Variants in STOX2 observed in about 807,000 individuals in gnomAD.
STOX2 encodes the protein storkhead box 2, also known as storkhead-box protein 2.
A neutral mutation model predicts 60.9 loss-of-function variants in STOX2; 28 were observed. The ratio of observed to expected loss-of-function variants is 0.46; its 90% CI spans 0.34 to 0.63. The LOEUF is 0.63. STOX2 is among the 30% of genes least tolerant of loss of function. The pLI, the probability that STOX2 is intolerant of heterozygous loss-of-function variation, is 0.01. For missense variants in STOX2, 1,024 were observed against 1,187.7 expected (o/e 0.86, Z 2.03); for synonymous variants, 472 against 463.9 (o/e 1.02, Z -0.22).
In STOX2 at chr4:183,823,646, A is replaced by G. The variant is rs1028034568; in HGVS notation, c.364+25591A>G. On this transcript the variant is annotated intron_variant, in intron 1 of 2. Transcript: ENST00000513034. ...TCTGGCCCACAAGAAGTTCCAGCAA[A>G]GCACGTCCTCATAGCTCTGGGCCCG... Among the ~76,000 whole-genome samples, 6 of 152,202 alleles carry G rather than the reference A, an allele frequency of 3.9e-5. 1 individual carries two copies. Among genetic ancestry groups the G allele is most frequent in the Non-Finnish European group, 8.8e-5 (6 of 68,034 alleles).
intron 1 of STOX2, chr4:183,798,183 G>C: frequency 1.1e-6 from 1 of 942,186 alleles, no homozygotes; most frequent in Non-Finnish European, 1.4e-6. Flanking sequence ...GGGTGCCCGC[G>C]TCCCTGCCGG....
intron 1 of STOX2, among the ~76,000 whole-genome samples, chr4:183,935,767 A>T (rs1049197648): frequency 6.6e-6 from 1 of 152,216 alleles, no homozygotes; most frequent in Non-Finnish European, 1.5e-5. Context: ...TGTGCCTGGG[A>T]CTAAGGAGTA....
intron 1 of STOX2, among the ~76,000 whole-genome samples, chr4:183,826,057 G>C (rs112097745): frequency 6.6e-6 from 1 of 152,214 alleles, no homozygotes; most frequent in East Asian, 1.9e-4. Flanking sequence ...TCGGGAAACA[G>C]GTTAAAACAC....
At chr4:183,949,382 G>A (rs947536263) in intron 1 of STOX2, among the ~76,000 whole-genome samples, 2 of 152,134 alleles carry the variant, frequency 1.3e-5, no homozygotes, top group African/African-American at 4.8e-5. Flanking sequence ...AATAGTAATA[G>A]TTTGGATGTG....
At chr4:183,835,617 T>G (rs182546789) in intron 1 of STOX2, among the ~76,000 whole-genome samples, 116 of 152,284 alleles carry the variant, frequency 7.6e-4, no homozygotes, top group Middle Eastern at 6.8e-3. Context: ...TTCAATCTCT[T>G]CCTCTTATTG....
At chr4:183,863,149 G>C (rs17075101) in intron 1 of STOX2, among the ~76,000 whole-genome samples, 1,545 of 152,252 alleles carry the variant, frequency 0.01, 29 homozygotes, top group African/African-American at 0.036. Context: ...TGAAAGAAGC[G>C]GTCCTGGGTG....
At position 183,892,576 on chromosome 4, in the gene STOX2, G is replaced by A. The variant is rs562529593; in HGVS notation, c.364+94521G>A. ...ATTACAGGCGTGAGCCACCGCGCCCGGCCCATTCACACTCTTCTTGCATGC... is the reference window on the plus strand; with the variant it reads ...ATTACAGGCGTGAGCCACCGCGCCCAGCCCATTCACACTCTTCTTGCATGC... On this transcript the variant is annotated intron_variant, in intron 1 of 2. Coordinates refer to the STOX2 transcript ENST00000513034. Among the ~76,000 whole-genome samples the A allele has an allele frequency of 2.6e-5, 4 of 152,336 alleles. No homozygotes were observed. The East Asian group carries it at 5.8e-4, about 22-fold the overall frequency.
chr4:184,016,905 T>C (rs577023630), intron 3 of STOX2, among the ~76,000 whole-genome samples, 184 bp from the exon 4 acceptor site: 2 of 152,196 alleles, frequency 1.3e-5, no homozygotes, highest in Non-Finnish European at 2.9e-5. Flanking sequence ...TACATGTCTG[T>C]GGAAGCTTCT....
At chr4:183,861,926 A>C (rs1740457228) in intron 1 of STOX2, among the ~76,000 whole-genome samples, 1 of 152,150 alleles carries the variant, frequency 6.6e-6, no homozygotes, top group South Asian at 2.1e-4. Context: ...TAACTAGAAC[A>C]TTACAGGATC....
chr4:183,939,937 T>C (rs1560894080), intron 1 of STOX2, among the ~76,000 whole-genome samples: 1 of 152,232 alleles, frequency 6.6e-6, no homozygotes, highest in African/African-American at 2.4e-5. Context: ...GGAATCTCGC[T>C]CTGTCGCTCA....
intron 2 of STOX2, among the ~76,000 whole-genome samples, chr4:184,002,728 A>G (rs1423952419): frequency 1.3e-5 from 2 of 152,344 alleles, no homozygotes; most frequent in African/African-American, 2.4e-5. Context: ...CTCAAAGTCA[A>G]GGTGTGGGGA....
At chr4:183,879,818 T>G (rs1740914192) in intron 1 of STOX2, among the ~76,000 whole-genome samples, 1 of 145,812 alleles carries the variant, frequency 6.9e-6, no homozygotes. Context: ...GGAAGAGGGG[T>G]GGGGTGTACT....
At chr4:183,998,136 A>G (rs1733424278) in intron 1 of STOX2, among the ~76,000 whole-genome samples, 1 of 152,152 alleles carries the variant, frequency 6.6e-6, no homozygotes, top group South Asian at 2.1e-4. Flanking sequence ...GTATTTTTGT[A>G]TCTTTCATCT....
chr4:183,863,616 C>T (rs1740500572), intron 1 of STOX2, among the ~76,000 whole-genome samples: 1 of 152,140 alleles, frequency 6.6e-6, no homozygotes, highest in South Asian at 2.1e-4. Context: ...TGACGATTGG[C>T]TTGTTCTTCG....
At chr4:183,862,672 C>T (rs993015302) in intron 1 of STOX2, among the ~76,000 whole-genome samples, 3 of 152,212 alleles carry the variant, frequency 2.0e-5, no homozygotes, top group South Asian at 2.1e-4. Context: ...ATGCGAGAGT[C>T]GGCAGGGTTT....
intron 1 of STOX2, among the ~76,000 whole-genome samples, chr4:183,977,419 A>G (rs1031317274): frequency 1.3e-5 from 2 of 152,172 alleles, no homozygotes; most frequent in South Asian, 2.1e-4. Flanking sequence ...TAACTGTACT[A>G]TAAATACAGT....
intron 1 of STOX2, among the ~76,000 whole-genome samples, chr4:183,913,469 G>A (rs989293204): frequency 1.1e-4 from 17 of 151,942 alleles, no homozygotes; most frequent in Non-Finnish European, 1.6e-4. Flanking sequence ...GTAAGACGAC[G>A]GCCATAGAAC....
chr4:183,947,779 G>A (rs997642565), intron 1 of STOX2, among the ~76,000 whole-genome samples: 11 of 152,102 alleles, frequency 7.2e-5, no homozygotes, highest in African/African-American at 1.9e-4. Context: ...AGAGTGGAAC[G>A]GTGCCTCCTC....
In STOX2 at chr4:184,009,869, G is replaced by A. The variant is rs201355950; in HGVS notation, c.1031G>A (p.Arg344Lys). Residue 344 changes from arginine to lysine, a missense_variant, in exon 3 of 4, where the codon AGG (arginine) becomes AAG (lysine). By Grantham distance (26) the Arg-to-Lys change is conservative. This residue lies in a region of STOX2 where 922 missense variants were observed against 1,058.3 expected (regional missense o/e 0.87). Transcript: ENST00000308497. This position sits in a 1 kb window ranked among gnomAD's most constrained non-coding sequence, Gnocchi z 4.0. ...AAACTGGAAGAAGAAAAGGCCCAGA[G>A]GAGTAAAGCCGGGTCCTCTGCCCAT... ...MKKLEEEKAQRSKAGSSAHHS... is the reference protein window; with the variant it reads ...MKKLEEEKAQKSKAGSSAHHS... The A allele has an allele frequency of 2.6e-5, 42 of 1,611,712 alleles. No individual in the cohort carries two copies. Among genetic ancestry groups the A allele is most frequent in the Admixed American group, 3.3e-5 (2 of 59,762 alleles).
Sources: gnomAD v4.1 joint callset for allele counts (sites outside exome capture counted in the v4.1 genomes callset) on GRCh38, gnomAD v4.1.1 for gene constraint, gnomAD v4.1.1 regional missense constraint, Gnocchi (gnomAD v3.1) non-coding constraint, MANE v1.5 for transcripts, NCBI Gene and HGNC (gene_info 2026-07-23, HGNC 2026-07-21) for gene names.